REV3L: variants seen among roughly 807,000 people sequenced by gnomAD.
The protein encoded by REV3L is DNA polymerase zeta catalytic subunit.
Under a neutral mutation model 299.4 loss-of-function variants are expected in REV3L, and 69 were observed. The observed-to-expected ratio is 0.23, with a 90% CI of 0.19 to 0.28. The LOEUF (loss-of-function observed/expected upper bound fraction) is 0.28, where lower values mean the gene tolerates loss of function less well. Ranked by LOEUF, REV3L falls within the 10% of genes least tolerant of loss-of-function variation. The pLI is 1.00. For synonymous variants in REV3L, 1,238 were observed against 1,271.4 expected (o/e 0.97, Z 0.56); for missense variants, 3,128 against 3,693.8 (o/e 0.85, Z 3.97).
At chr6:111,389,909 T>C (rs1458896354) in intron 6 of REV3L, among the ~76,000 whole-genome samples, 177 bp downstream of exon 6, 1 of 151,838 alleles carries the variant, frequency 6.6e-6, no homozygotes, top group East Asian at 1.9e-4. Context: ...GCTAATTTAT[T>C]TTGTATTTTA....
Position 111,377,591 on chromosome 6 carries a change from A to C in REV3L, c.1597+110T>G, listed in dbSNP as rs1780440346. 14 of 1,054,474 alleles carry C rather than the reference A, an allele frequency of 1.3e-5. No homozygotes were observed. In the South Asian group the frequency reaches 2.1e-4, roughly 16 times the overall value. The allele number at this position is 1,054,474 out of a possible 1,614,324, so 65.3% of individuals were successfully genotyped here. ...AATTCAAGTGATCCTCTCACCTTGG[A>C]CTCCCAGAATGCTGGGATTACAGGT... On this transcript the variant is annotated intron_variant, in intron 12 of 31. Transcript: ENST00000368802.
intron 1 of REV3L, among the ~76,000 whole-genome samples, chr6:111,438,935 AC>A (rs935370905): frequency 2.2e-4 from 33 of 152,094 alleles, no homozygotes; most frequent in African/African-American, 7.9e-4. Context: ...GACAAAAAAA[AC>A]AGTCAATTTT....
chr6:111,316,527 G>GCT (rs1773539294), intron 26 of REV3L, among the ~76,000 whole-genome samples: 1 of 151,770 alleles, frequency 6.6e-6, no homozygotes, highest in Non-Finnish European at 1.5e-5. Context: ...TTAGCCAGGG[G>GCT]AGGTGGCGTG....
rs149974637 is a variant in REV3L at position 111,325,217 on chromosome 6, A to G, written c.8242-2539T>C. The stretch of plus-strand genomic sequence containing the variant: ...GTAAAAATTAATTCCCTGAAAAGAC[A>G]TAAAAAGGAAGAAATAAAGTTCAGA... On this transcript the variant is annotated intron_variant, in intron 25 of 31. Coordinates refer to ENST00000368802, the MANE Select transcript of REV3L (RefSeq NM_001372078.1). Among the ~76,000 whole-genome samples, 440 of 152,388 alleles carry G rather than the reference A, an allele frequency of 2.9e-3. 1 individual carries two copies. Among genetic ancestry groups the G allele is most frequent in the South Asian group, 0.017 (80 of 4,832 alleles).
At chr6:111,415,453 A>G (rs544285226) in intron 2 of REV3L, among the ~76,000 whole-genome samples, 1 of 152,300 alleles carries the variant, frequency 6.6e-6, no homozygotes, top group East Asian at 1.9e-4. Context: ...AATTGAGTGT[A>G]TAGTAGCTGG....
chr6:111,475,470 C>T (rs750085624), intron 1 of REV3L, among the ~76,000 whole-genome samples: 19 of 152,130 alleles, frequency 1.2e-4, no homozygotes, highest in Non-Finnish European at 2.5e-4. Context: ...TTTATAATCC[C>T]ACCAGCAATG....
chr6:111,468,084 G>T (rs1157455773), intron 1 of REV3L, among the ~76,000 whole-genome samples: 1 of 152,132 alleles, frequency 6.6e-6, no homozygotes, highest in Non-Finnish European at 1.5e-5. Context: ...CAAAACGACT[G>T]ATGTCATAAT....
rs561165770 is a variant in REV3L, at chr6:111,408,632, C to T, written c.404+2848G>A. 5.3e-5 allele frequency among the ~76,000 whole-genome samples: 8 copies of T among 151,720 alleles called. 1 individual carries two copies. In the South Asian group the frequency reaches 1.5e-3, roughly 28 times the overall value. Reference sequence around the variant, plus strand: ...CAAAACAAAACAAAACAAAACAAAACAAAACAAAACAAAACAAAAACAACA... The same window carrying T: ...CAAAACAAAACAAAACAAAACAAAATAAAACAAAACAAAACAAAAACAACA... On this transcript the variant is annotated intron_variant, in intron 3 of 31. Transcript: ENST00000368802.
At chr6:111,359,740 T>C (rs753495695) in intron 16 of REV3L, among the ~76,000 whole-genome samples, 6 of 152,322 alleles carry the variant, frequency 3.9e-5, no homozygotes, top group South Asian at 2.1e-4. Context: ...TAGGTTGAAT[T>C]CATGATTATA....
At chr6:111,352,622 T>A (rs1292592711) in intron 18 of REV3L, among the ~76,000 whole-genome samples, 5 of 152,212 alleles carry the variant, frequency 3.3e-5, no homozygotes, top group African/African-American at 1.2e-4. Context: ...AATTATTTGG[T>A]TCTCACACAA....
At position 111,367,582 on chromosome 6, in the gene REV3L, T is replaced by C; in HGVS notation, c.6206A>G (p.Asp2069Gly). ...TAAAGCAATCTGAGAATTATCAACA[T>C]CCTCCTTGGTATGTGCTGTAGTGGG... ...ILPTTAHTKE[D>G]VDNSQIALQA... Residue 2069 changes from aspartate (D) to glycine (G), a missense_variant, in exon 14 of 32, where the codon GAT (aspartate) becomes GGT (glycine). Coordinates refer to ENST00000368802, the MANE Select transcript of REV3L (RefSeq NM_001372078.1). The C allele has an allele frequency of 1.9e-6, 3 of 1,614,104 alleles. No homozygotes were observed. Among genetic ancestry groups the C allele is most frequent in the Non-Finnish European group, 2.5e-6 (3 of 1,179,940 alleles).
upstream of REV3L, chr6:111,483,684 G>C (rs907827273): frequency 2.5e-6 from 1 of 399,210 alleles, no homozygotes; most frequent in African/African-American, 2.2e-5. Context: ...ATCCGCCCGC[G>C]TGAGGAGGGA....
At chr6:111,363,784 C>T (rs1323815652) in intron 16 of REV3L, 69 bp downstream of exon 16, 15 of 1,511,736 alleles carry the variant, frequency 9.9e-6, no homozygotes, top group Non-Finnish European at 1.3e-5. Context: ...AAATTCCATA[C>T]TTGTTTTATA....
chr6:111,441,747 C>T (rs1201632686), intron 1 of REV3L, among the ~76,000 whole-genome samples: 1 of 152,088 alleles, frequency 6.6e-6, no homozygotes, highest in South Asian at 2.1e-4. Context: ...TTGTTTTTGT[C>T]TCATACTGTC....
chr6:111,455,586 G>C (rs1472305222), intron 1 of REV3L, among the ~76,000 whole-genome samples: 1 of 152,162 alleles, frequency 6.6e-6, no homozygotes, highest in Non-Finnish European at 1.5e-5. Flanking sequence ...GACAAACTGG[G>C]AGGCTATTAT....
At chr6:111,301,727 C>T (rs939549150) in intron 31 of REV3L, among the ~76,000 whole-genome samples, 2 of 151,860 alleles carry the variant, frequency 1.3e-5, no homozygotes, top group Non-Finnish European at 2.9e-5. Flanking sequence ...AATAATAAAT[C>T]ATAAGGCAAT....
intron 22 of REV3L, among the ~76,000 whole-genome samples, chr6:111,335,259 G>T (rs1775791935): frequency 2.0e-5 from 3 of 152,112 alleles, no homozygotes; most frequent in Non-Finnish European, 2.9e-5. Flanking sequence ...ATCCTTAAGG[G>T]CATGGACATT....
At chr6:111,339,944 G>A (rs565643600) in intron 21 of REV3L, among the ~76,000 whole-genome samples, 18 of 152,096 alleles carry the variant, frequency 1.2e-4, no homozygotes, top group East Asian at 7.7e-4. Context: ...CAAACTTAAC[G>A]GTAATAAATA....
intron 12 of REV3L, 41 bp downstream of exon 12, chr6:111,377,660 T>C (rs1048210216): frequency 1.3e-6 from 2 of 1,583,492 alleles, no homozygotes; most frequent in Non-Finnish European, 1.7e-6. Flanking sequence ...CATTTTTAGA[T>C]CGTGAATAAC....
Sources: gnomAD v4.1 joint callset for allele counts (sites outside exome capture counted in the v4.1 genomes callset) on GRCh38, gnomAD v4.1.1 for gene constraint, MANE v1.5 for transcripts, NCBI Gene and HGNC (gene_info 2026-07-23, HGNC 2026-07-21) for gene names.